Variants in MOSMO observed in about 807,000 individuals in gnomAD.
MOSMO encodes modulator of smoothened protein.
Under a neutral mutation model 18.4 loss-of-function variants are expected in MOSMO, and 5 were observed. The observed-to-expected ratio is 0.27, with a 90% CI of 0.14 to 0.57. The LOEUF (loss-of-function observed/expected upper bound fraction) is 0.57, where lower values mean the gene tolerates loss of function less well. MOSMO is among the 20% of genes least tolerant of loss of function. MOSMO has a pLI of 0.92. For missense variants in MOSMO, 138 were observed against 211.8 expected, an observed-to-expected ratio of 0.65 and a Z score of 2.16; for synonymous variants, 82 against 82.3, an observed-to-expected ratio of 1.00 and a Z score of 0.02.
At chr16:22,061,411 G>T (rs1717216325) in intron 1 of MOSMO, among the ~76,000 whole-genome samples, 1 of 152,180 alleles carries the variant, frequency 6.6e-6, no homozygotes, top group Admixed American at 6.5e-5. Context: ...GAGTAGTGGT[G>T]CCTGTGGATA....
chr16:22,008,697 C>T (rs938747153), intron 1 of MOSMO, among the ~76,000 whole-genome samples: 15 of 149,098 alleles, frequency 1.0e-4, no homozygotes, highest in Non-Finnish European at 1.9e-4. Flanking sequence ...AGGAGGGGAG[C>T]AGCCCTCCGA....
At chr16:22,029,140 G>C (rs1368310440) in intron 1 of MOSMO, among the ~76,000 whole-genome samples, 3 of 152,186 alleles carry the variant, frequency 2.0e-5, no homozygotes, top group Non-Finnish European at 4.4e-5. Flanking sequence ...AAAGTGCTGA[G>C]ATTACAGGTG....
intron 1 of MOSMO, among the ~76,000 whole-genome samples, chr16:22,031,746 C>T (rs567849689): frequency 3.3e-5 from 5 of 152,168 alleles, no homozygotes; most frequent in Non-Finnish European, 5.9e-5. Context: ...TTTTATTTTT[C>T]CATTCATCAG....
intron 1 of MOSMO, among the ~76,000 whole-genome samples, chr16:22,019,333 G>A (rs1337246269): frequency 1.3e-5 from 2 of 151,934 alleles, no homozygotes; most frequent in South Asian, 2.1e-4. Flanking sequence ...TAATTCTTTG[G>A]TCCTCTCACT....
intron 1 of MOSMO, among the ~76,000 whole-genome samples, chr16:22,050,457 T>C (rs1457569244): frequency 6.6e-6 from 1 of 152,132 alleles, no homozygotes; most frequent in East Asian, 1.9e-4. Context: ...CATTTGACAA[T>C]GTCTCAAGAC....
At chr16:22,012,526 C>T (rs1597992948) in intron 1 of MOSMO, among the ~76,000 whole-genome samples, 2 of 151,984 alleles carry the variant, frequency 1.3e-5, no homozygotes, top group Admixed American at 1.3e-4. Context: ...AAATGAAAGC[C>T]CAGAACTGTG....
At position 22,021,806 on chromosome 16, in the gene MOSMO, A is replaced by AT. The variant is rs1555520180; in HGVS notation, c.106+13399_106+13400insT. 1.9e-3 allele frequency among the ~76,000 whole-genome samples: 288 copies of AT among 151,438 alleles called. 5 individuals are homozygous for AT. The East Asian group carries it at 0.026, about 13-fold the overall frequency. On this transcript the variant is annotated intron_variant, in intron 1 of 2. Transcript: ENST00000542527. ...GAGTGAGACCCTGTCTCAAAAAAAA[A>AT]ATATATATATATAGGGGAGAAGTCA...
Position 22,051,244 on chromosome 16 carries a change from C to T in MOSMO, c.107-24243C>T, listed in dbSNP as rs551376283. ...TCTAATTAAAAATACAAAAATTAGC[C>T]GAGCATGGTGGTGCACACTTGTAAT... On this transcript the variant is annotated intron_variant, in intron 1 of 2. Coordinates refer to ENST00000542527, the MANE Select transcript of MOSMO (RefSeq NM_001164579.2). Among the ~76,000 whole-genome samples the T allele has an allele frequency of 5.9e-5, 9 of 151,898 alleles. No homozygotes were observed. In the South Asian group the frequency reaches 1.7e-3, roughly 28 times the overall value.
chr16:22,060,232 A>G (rs1246373222), intron 1 of MOSMO, among the ~76,000 whole-genome samples: 1 of 152,208 alleles, frequency 6.6e-6, no homozygotes, highest in East Asian at 1.9e-4. Context: ...TTCAAGAGCC[A>G]TTGCTAAGAA....
intron 1 of MOSMO, among the ~76,000 whole-genome samples, chr16:22,065,791 C>T (rs139498704): frequency 2.0e-5 from 3 of 152,092 alleles, no homozygotes; most frequent in Non-Finnish European, 4.4e-5. Context: ...ACTGACTTGC[C>T]CAAATTAGTG....
intron 1 of MOSMO, among the ~76,000 whole-genome samples, chr16:22,048,571 G>A (rs1055029991): frequency 6.6e-6 from 1 of 151,938 alleles, no homozygotes; most frequent in South Asian, 2.1e-4. Context: ...TCATGTTACT[G>A]GCCACATATT....
At chr16:22,061,492 A>G (rs927121859) in intron 1 of MOSMO, among the ~76,000 whole-genome samples, 1 of 152,084 alleles carries the variant, frequency 6.6e-6, no homozygotes, top group Admixed American at 6.6e-5. Context: ...ACACCCTCCT[A>G]TGTATTGTGC....
chr16:22,021,806 A>T (rs12444735), intron 1 of MOSMO, among the ~76,000 whole-genome samples: 5,499 of 151,424 alleles, frequency 0.036, 111 homozygotes, highest in African/African-American at 0.049. Flanking sequence ...TCAAAAAAAA[A>T]ATATATATAT....
At chr16:22,058,669 G>A (rs1312712566) in intron 1 of MOSMO, among the ~76,000 whole-genome samples, 3 of 152,142 alleles carry the variant, frequency 2.0e-5, no homozygotes, top group Non-Finnish European at 4.4e-5. Context: ...CTGTGCAACT[G>A]GATGAATAGT....
chr16:22,074,988 T>C (rs1376105778), intron 1 of MOSMO, among the ~76,000 whole-genome samples: 3 of 152,224 alleles, frequency 2.0e-5, no homozygotes, highest in Non-Finnish European at 4.4e-5. Context: ...TAATCTATTA[T>C]TTAATTTTAT....
At chr16:22,072,008 G>A (rs1402785008) in intron 1 of MOSMO, among the ~76,000 whole-genome samples, 1 of 152,152 alleles carries the variant, frequency 6.6e-6, no homozygotes, top group Non-Finnish European at 1.5e-5. Flanking sequence ...CCATTTTGGG[G>A]TTTCCAGTGG....
At chr16:22,051,323 A>C (rs1486339336) in intron 1 of MOSMO, among the ~76,000 whole-genome samples, 1 of 150,438 alleles carries the variant, frequency 6.6e-6, no homozygotes, top group Non-Finnish European at 1.5e-5. Context: ...GGGAGGTAGA[A>C]GTTGCAGTGA....
chr16:22,091,616 C>A (rs1401799244), downstream of MOSMO, among the ~76,000 whole-genome samples: 1 of 152,094 alleles, frequency 6.6e-6, no homozygotes, highest in Admixed American at 6.5e-5. Context: ...ATCTCAAATT[C>A]CTGGCCTCAA....
At chr16:22,077,939 G>A (rs545559431) in intron 2 of MOSMO, among the ~76,000 whole-genome samples, 26 of 152,200 alleles carry the variant, frequency 1.7e-4, no homozygotes, top group Admixed American at 1.4e-3. Flanking sequence ...CCTGAAAAAT[G>A]TACTTTATTA....
Sources: gnomAD v4.1 joint callset for allele counts (sites outside exome capture counted in the v4.1 genomes callset) on GRCh38, gnomAD v4.1.1 for gene constraint, MANE v1.5 for transcripts, NCBI Gene and HGNC (gene_info 2026-07-23, HGNC 2026-07-21) for gene names.